The following KANSL3 variants were observed in gnomAD, a reference collection of about 807,000 sequenced individuals.
KANSL3 encodes the protein KAT8 regulatory NSL complex subunit 3, also known as NSL complex protein NSL3.
In KANSL3, 16 loss-of-function variants were observed where a neutral mutation model predicts 89.2. That is an observed-to-expected ratio of 0.18 (90% CI 0.12 to 0.27). The LOEUF is 0.27. Among genes scored for constraint, KANSL3 ranks in the 10% least tolerant of loss-of-function variants. The probability of loss-of-function intolerance (pLI) is 1.00; values close to 1 mark genes in which losing one functional copy is unlikely to be tolerated. For synonymous variants in KANSL3, 385 were observed against 419.7 expected, an observed-to-expected ratio of 0.92 and a Z score of 1.01; for missense variants, 879 against 1,110.6, an observed-to-expected ratio of 0.79 and a Z score of 2.96.
chr2:96,627,413 C>T (rs1163560405), intron 3 of KANSL3, among the ~76,000 whole-genome samples: 1 of 152,112 alleles, frequency 6.6e-6, no homozygotes, highest in Non-Finnish European at 1.5e-5. Context: ...CGGGGTTTCA[C>T]TATGTTGGTC....
chr2:96,595,822 T>C (rs755475271), intron 20 of KANSL3, among the ~76,000 whole-genome samples, 191 bp from the exon 21 acceptor site: 35 of 152,054 alleles, frequency 2.3e-4, no homozygotes, highest in Non-Finnish European at 1.8e-4. Context: ...GACTCTAGAG[T>C]GAGAGACTCA....
Position 96,610,798 on chromosome 2 carries a change from A to G in KANSL3, c.1247T>C (p.Met416Thr). Reference sequence around the variant, plus strand: ...TCGAATCTTCTCCCGGAAGTCCTCCATGGCTTCAGGGTGACATTGAAGGGA... The same window carrying G: ...TCGAATCTTCTCCCGGAAGTCCTCCGTGGCTTCAGGGTGACATTGAAGGGA... Reference protein sequence around the residue: ...QNSLQCHPEAMEDFREKIRAE... With the variant: ...QNSLQCHPEATEDFREKIRAE... The change falls in exon 11 of 21, where the codon ATG (methionine) becomes ACG (threonine). Residue 416 changes from methionine to threonine, a missense_variant. By Grantham distance (81) the Met-to-Thr change is moderately conservative. Coordinates refer to ENST00000431828, the MANE Select transcript of KANSL3 (RefSeq NM_001115016.3). 6.2e-7 allele frequency: 1 copy of G among 1,613,996 alleles called. No individual in the cohort carries two copies.
In KANSL3 at chr2:96,619,382, C is replaced by T. The variant is rs1236646058; in HGVS notation, c.640G>A (p.Ala214Thr). 1 of 1,612,874 alleles carries T rather than the reference C, an allele frequency of 6.2e-7. No homozygotes were observed. The highest frequency in any genetic ancestry group is 2.2e-5 in the East Asian group (1 of 44,844). ...SLPMLAAYLD[A>T]LQTLKGKIPT... is the part of the protein sequence containing the mutation. ...ACCTTCCCCTTCAGCGTCTGCAAAG[C>T]ATCCAGGTAGGCTGCCAGCATGGGC... Residue 214 changes from alanine (A) to threonine (T), a missense_variant, in exon 5 of 21, where the codon GCT becomes ACT. Physicochemically the swap from Ala to Thr is moderately conservative, Grantham distance 58. Transcript: ENST00000431828.
At chr2:96,601,968 G>T (rs2067246836) in intron 19 of KANSL3, 148 bp downstream of exon 19, 2 of 1,166,080 alleles carry the variant, frequency 1.7e-6, no homozygotes, top group Non-Finnish European at 2.4e-6. Context: ...CCTCTCTGGG[G>T]GATGGGTCCA....
At chr2:96,633,637 ATGCG>A (rs2073820911) in intron 2 of KANSL3, among the ~76,000 whole-genome samples, 2 of 151,658 alleles carry the variant, frequency 1.3e-5, no homozygotes, top group Non-Finnish European at 2.9e-5. Flanking sequence ...AGGCAGAGGC[ATGCG>A]GATTGCCTGA....
At chr2:96,624,560 C>T (rs1313748871) in intron 3 of KANSL3, among the ~76,000 whole-genome samples, 1 of 152,134 alleles carries the variant, frequency 6.6e-6, no homozygotes, top group Non-Finnish European at 1.5e-5. Flanking sequence ...CTTGCTCTGT[C>T]GTCCAGGCTG....
Position 96,631,426 on chromosome 2 carries a change from T to G in KANSL3, c.272A>C (p.Tyr91Ser), listed in dbSNP as rs746180770. The change falls in exon 3 of 21, where the codon TAT becomes TCT. Residue 91 changes from tyrosine (Y) to serine (S), a missense_variant. Around this residue, in one of 6 missense-constraint regions of KANSL3, gnomAD observed 210 missense variants for 311.9 expected, o/e 0.67. Coordinates refer to ENST00000431828, the MANE Select transcript of KANSL3 (RefSeq NM_001115016.3). ...ETVTSTPMPLYDNQKARSVMN... is the reference protein window; with the variant it reads ...ETVTSTPMPLSDNQKARSVMN... ...CACGCTGCGTGCCTTCTGATTGTCA[T>G]AGAGTGGCATAGGCGTTGATGTGAC... 2 of 1,597,470 alleles carry G rather than the reference T, an allele frequency of 1.3e-6. No individual in the cohort carries two copies. Among genetic ancestry groups the G allele is most frequent in the South Asian group, 1.1e-5 (1 of 88,288 alleles).
intron 11 of KANSL3, among the ~76,000 whole-genome samples, chr2:96,609,950 CAA>C (rs35175492): frequency 3.3e-3 from 71 of 21,594 alleles, no homozygotes; most frequent in Non-Finnish European, 4.6e-3. Flanking sequence ...GGCGCCACCT[CAA>C]AAAAAAAAAA....
Position 96,605,568 on chromosome 2 carries a change from T to G in KANSL3, c.1742-57A>C. The stretch of plus-strand genomic sequence containing the variant: ...CAATCCAAAAAATCCCAACAGACAC[T>G]CAGTCAATACCAGCACCAACACAGC... On this transcript the variant is annotated intron_variant, in intron 14 of 20. Transcript: ENST00000431828. 5.0e-6 allele frequency: 7 copies of G among 1,412,580 alleles called. No homozygotes were observed. In the South Asian group the frequency reaches 8.4e-5, roughly 17 times the overall value. 87.5% of individuals were successfully genotyped at this position (1,412,580 alleles called of 1,614,324 possible).
intron 17 of KANSL3, chr2:96,603,233 A>G (rs72809809): frequency 1.0e-4 from 18 of 175,894 alleles, no homozygotes; most frequent in Middle Eastern, 2.4e-3. Flanking sequence ...GCAGTAAGGA[A>G]GTAGCCTCAA....
intron 14 of KANSL3, 53 bp from the exon 15 acceptor site, chr2:96,605,564 ACACT>A: frequency 6.9e-7 from 1 of 1,454,804 alleles, no homozygotes; most frequent in South Asian, 1.2e-5. Context: ...ATCCCAACAG[ACACT>A]CAGTCAATAC....
intron 20 of KANSL3, chr2:96,600,752 G>A (rs926062537): frequency 5.1e-6 from 5 of 985,292 alleles, no homozygotes; most frequent in African/African-American, 1.7e-5. Flanking sequence ...AAAGGTCACA[G>A]GGGAAATTAG....
intron 3 of KANSL3, 67 bp from the exon 4 acceptor site, chr2:96,619,829 T>C: frequency 8.3e-7 from 1 of 1,208,248 alleles, no homozygotes; most frequent in South Asian, 1.4e-5. Flanking sequence ...GTACACCATA[T>C]AAAGAAGATT....
At chr2:96,628,343 A>C in intron 3 of KANSL3, 4 of 693,972 alleles carry the variant, frequency 5.8e-6, no homozygotes, top group Admixed American at 6.3e-5. Context: ...TTGCAGTTAT[A>C]TCTCTCCTTA....
chr2:96,597,206 TATC>T (rs1429191040), intron 20 of KANSL3, among the ~76,000 whole-genome samples: 3 of 152,320 alleles, frequency 2.0e-5, no homozygotes, highest in African/African-American at 7.2e-5. Flanking sequence ...AATTCCGTAA[TATC>T]AACAACTATC....
At chr2:96,602,011 C>A in intron 19 of KANSL3, 105 bp downstream of exon 19, 1 of 1,236,778 alleles carries the variant, frequency 8.1e-7, no homozygotes. Context: ...TGCCAGGACC[C>A]TGTGGGACTG....
intron 3 of KANSL3, among the ~76,000 whole-genome samples, chr2:96,626,471 G>A (rs1323973668): frequency 6.6e-6 from 1 of 152,092 alleles, no homozygotes; most frequent in African/African-American, 2.4e-5. Context: ...TAAAACTAAA[G>A]AAGGCTCAGA....
intron 9 of KANSL3, 64 bp from the exon 10 acceptor site, chr2:96,611,202 A>C: frequency 7.2e-7 from 1 of 1,396,414 alleles, no homozygotes; most frequent in South Asian, 1.2e-5. Flanking sequence ...GCCTACCCAG[A>C]ATCCAGGAGT....
At chr2:96,634,595 G>A (rs2073988191) in intron 2 of KANSL3, among the ~76,000 whole-genome samples, 1 of 151,782 alleles carries the variant, frequency 6.6e-6, no homozygotes, top group Non-Finnish European at 1.5e-5. Flanking sequence ...CACCAACTTT[G>A]TCACCCCAAA....
Sources: gnomAD v4.1 joint callset for allele counts (sites outside exome capture counted in the v4.1 genomes callset) on GRCh38, gnomAD v4.1.1 for gene constraint, gnomAD v4.1.1 regional missense constraint, MANE v1.5 for transcripts, NCBI Gene and HGNC (gene_info 2026-07-23, HGNC 2026-07-21) for gene names.